The following WDR64 variants were observed in gnomAD, a reference collection of about 807,000 sequenced individuals.
WDR64 encodes the protein WD repeat domain 64.
Under a neutral mutation model 139.3 loss-of-function variants are expected in WDR64, and 112 were observed. The observed-to-expected ratio is 0.80, with a 90% CI of 0.69 to 0.94. The LOEUF (loss-of-function observed/expected upper bound fraction) is 0.94. Ranked by LOEUF, WDR64 falls within the 40% of genes least tolerant of loss-of-function variation. The pLI, the probability that WDR64 is intolerant of heterozygous loss-of-function variation, is 0.00. For missense variants in WDR64, 1,206 were observed against 1,293.1 expected (o/e 0.93, Z 1.03); for synonymous variants, 444 against 437.7 (o/e 1.01, Z -0.18).
rs1324620749 is a variant in WDR64, at chr1:241,790,706, A to C, written c.2997+10A>C. 1.0e-6 allele frequency: 1 copy of C among 974,168 alleles called. No individual in the cohort carries two copies. Among genetic ancestry groups the C allele is most frequent in the Non-Finnish European group, 1.4e-6 (1 of 727,424 alleles). 60.3% of individuals were successfully genotyped at this position (974,168 alleles called of 1,614,324 possible). ...TCTTTCTTCTCCTAAGGTAGCTTAA[A>C]AAAAAAAAAAAAAAAGAAATGGCAA... On this transcript the variant is annotated intron_variant, in intron 25 of 27. Transcript: ENST00000437684.
intron 3 of WDR64, among the ~76,000 whole-genome samples, chr1:241,671,669 T>C (rs1666233723): frequency 6.6e-6 from 1 of 152,178 alleles, no homozygotes; most frequent in Admixed American, 6.5e-5. Context: ...GGGAAGTCTC[T>C]AATGTATGTG....
At chr1:241,683,864 T>TAC (rs11473073) in intron 7 of WDR64, among the ~76,000 whole-genome samples, 163 bp downstream of exon 7, 59,891 of 145,384 alleles carry the variant, frequency 0.41, 12,473 homozygotes, top group Non-Finnish European at 0.48. Context: ...TGTTCATGTA[T>TAC]ACACACACAC....
intron 15 of WDR64, among the ~76,000 whole-genome samples, chr1:241,763,501 G>T (rs1371271909): frequency 6.6e-6 from 1 of 152,172 alleles, no homozygotes; most frequent in Non-Finnish European, 1.5e-5. Flanking sequence ...CTTGAGGTCA[G>T]GAGTTCCAGA....
At chr1:241,719,531 G>A (rs1668526826) in intron 9 of WDR64, among the ~76,000 whole-genome samples, 1 of 152,072 alleles carries the variant, frequency 6.6e-6, no homozygotes, top group South Asian at 2.1e-4. Context: ...AAAAAAGGTA[G>A]AGAAAAATAC....
chr1:241,742,401 AC>A (rs1328156614), intron 12 of WDR64, among the ~76,000 whole-genome samples: 3 of 152,182 alleles, frequency 2.0e-5, no homozygotes, highest in Non-Finnish European at 4.4e-5. Context: ...GGCACAAGAT[AC>A]AGGTCATAAA....
chr1:241,716,168 C>G (rs148156377), intron 9 of WDR64, among the ~76,000 whole-genome samples: 106 of 151,840 alleles, frequency 7.0e-4, no homozygotes, highest in Admixed American at 1.4e-3. Flanking sequence ...GCTAAATGTA[C>G]GGTATGTACC....
intron 6 of WDR64, among the ~76,000 whole-genome samples, chr1:241,681,285 C>A (rs887665864): frequency 2.6e-5 from 4 of 152,044 alleles, no homozygotes; most frequent in African/African-American, 9.7e-5. Context: ...CACCCTTTTC[C>A]CCAGAGTCCC....
At chr1:241,666,860 C>T (rs535568466) in intron 2 of WDR64, among the ~76,000 whole-genome samples, 16 of 152,170 alleles carry the variant, frequency 1.1e-4, no homozygotes, top group Admixed American at 7.2e-4. Flanking sequence ...ATTTTACACA[C>T]GGGAAAGACT....
Position 241,801,977 on chromosome 1 carries a change from C to T in WDR64, c.*762C>T. On this transcript the variant is annotated 3_prime_UTR_variant, in exon 28 of 28. Transcript: ENST00000437684. Reference sequence around the variant, plus strand: ...AAGAAACACATCTAACATACAAGGACACCAAACTCTTAAAGATAAAAGAAT... The same window carrying T: ...AAGAAACACATCTAACATACAAGGATACCAAACTCTTAAAGATAAAAGAAT... 1 of 397,624 alleles carries T rather than the reference C, an allele frequency of 2.5e-6. No homozygotes were observed. The allele number at this position is 397,624 out of a possible 1,614,324, so 24.6% of individuals were successfully genotyped here. A position where few individuals can be genotyped will look rare whatever the true frequency, so the allele number is the denominator to read the frequency against.
At chr1:241,713,751 G>A (rs1434167978) in intron 9 of WDR64, among the ~76,000 whole-genome samples, 1 of 152,176 alleles carries the variant, frequency 6.6e-6, no homozygotes, top group East Asian at 1.9e-4. Context: ...GAGAAGACAT[G>A]AGTCAGATGG....
chr1:241,788,622 C>G (rs1574098247), intron 24 of WDR64, among the ~76,000 whole-genome samples: 5 of 152,174 alleles, frequency 3.3e-5, no homozygotes, highest in Admixed American at 3.3e-4. Context: ...ATCCCAAGTG[C>G]ACTCAAGGCT....
At chr1:241,749,239 T>C (rs1273262235) in intron 13 of WDR64, among the ~76,000 whole-genome samples, 1 of 151,976 alleles carries the variant, frequency 6.6e-6, no homozygotes, top group Non-Finnish European at 1.5e-5. Context: ...CTGAGAAGCG[T>C]TGGGAGAATA....
intron 14 of WDR64, among the ~76,000 whole-genome samples, chr1:241,754,320 C>CTTTTT (rs71174845): frequency 1.1e-3 from 93 of 81,692 alleles, no homozygotes; most frequent in Middle Eastern, 7.8e-3. Context: ...TTTTCTTTTT[C>CTTTTT]TTTTTTTTTT....
rs138513526 is a variant in WDR64, at chr1:241,784,976, A to AAAAAAAAAAAAAAAAAAAAAAAAAAAG, written c.2705+1595_2705+1596insAAAAAAAAAAAAAAAAAAAAAAAAAAG. On this transcript the variant is annotated intron_variant, in intron 23 of 27. Coordinates refer to ENST00000437684, the MANE Select transcript of WDR64 (RefSeq NM_001367482.1). Reference sequence around the variant, plus strand: ...CTGAAAAAAAAAAAAAAAAAAAAAAAGAAAGGACATCTGCTGTTTTATTTG... The same window carrying AAAAAAAAAAAAAAAAAAAAAAAAAAAG: ...CTGAAAAAAAAAAAAAAAAAAAAAAAAAAAAAAAAAAAAAAAAAAAAAAAAAGGAAAGGACATCTGCTGTTTTATTTG... 2.5e-4 allele frequency among the ~76,000 whole-genome samples: 25 copies of AAAAAAAAAAAAAAAAAAAAAAAAAAAG among 98,468 alleles called. 4 individuals are homozygous for AAAAAAAAAAAAAAAAAAAAAAAAAAAG. The highest frequency in any genetic ancestry group is 6.4e-4 in the African/African-American group (18 of 28,088). 64.6% of individuals were successfully genotyped at this position (98,468 alleles called of 152,430 possible). A position where few individuals can be genotyped will look rare whatever the true frequency, so the allele number is the denominator to read the frequency against.
chr1:241,770,868 TTTTTTCAATTTTATATA>T (rs1658402838), intron 18 of WDR64, among the ~76,000 whole-genome samples, 178 bp downstream of exon 18: 1 of 152,232 alleles, frequency 6.6e-6, no homozygotes, highest in Non-Finnish European at 1.5e-5. Flanking sequence ...GTCTAAATTG[TTTTTTCAATTTTATATA>T]TTTTTCAATT....
chr1:241,711,996 ATCTG>A (rs958418670), intron 9 of WDR64, 115 bp downstream of exon 9: 1 of 994,124 alleles, frequency 1.0e-6, no homozygotes, highest in Non-Finnish European at 1.5e-6. Context: ...ATCAAGTCAA[ATCTG>A]TTTGTCTTTT....
At chr1:241,662,916 A>T (rs1432415567) in intron 2 of WDR64, among the ~76,000 whole-genome samples, 1 of 152,230 alleles carries the variant, frequency 6.6e-6, no homozygotes, top group Non-Finnish European at 1.5e-5. Context: ...ATTGATATGT[A>T]ATCAATTATT....
At chr1:241,770,488 G>C (rs1397386742) in intron 17 of WDR64, 133 bp from the exon 18 acceptor site, 2 of 704,286 alleles carry the variant, frequency 2.8e-6, no homozygotes, top group Non-Finnish European at 4.7e-6. Context: ...GGCATGATTT[G>C]TTTCCTGAGT....
intron 16 of WDR64, among the ~76,000 whole-genome samples, chr1:241,768,960 T>C (rs1025963874): frequency 7.9e-5 from 12 of 152,168 alleles, no homozygotes; most frequent in Admixed American, 3.3e-4. Context: ...ATATTAGAAC[T>C]CTATTATTTA....
Sources: gnomAD v4.1 joint callset for allele counts (sites outside exome capture counted in the v4.1 genomes callset) on GRCh38, gnomAD v4.1.1 for gene constraint, MANE v1.5 for transcripts, NCBI Gene and HGNC (gene_info 2026-07-23, HGNC 2026-07-21) for gene names.